Variants in OR52A1 observed in about 807,000 individuals in gnomAD.
The protein encoded by OR52A1 is olfactory receptor family 52 subfamily A member 1.
In OR52A1, 14 loss-of-function variants were observed where a neutral mutation model predicts 14.3. The ratio of observed to expected loss-of-function variants is 0.98; its 90% CI spans 0.65 to 1.54. The LOEUF (loss-of-function observed/expected upper bound fraction) is 1.54. OR52A1 is among the 40% of genes most tolerant of loss of function. The pLI is 0.00. For synonymous variants in OR52A1, 151 were observed against 135.3 expected, an observed-to-expected ratio of 1.12 and a Z score of -0.80; for missense variants, 405 against 381.3, an observed-to-expected ratio of 1.06 and a Z score of -0.52.
rs924610652 is a variant in OR52A1, at chr11:5,154,447, C to G, written c.-322G>C. 1 of 152,180 alleles carries G rather than the reference C, an allele frequency of 6.6e-6. No individual in the cohort carries two copies. Among genetic ancestry groups the G allele is most frequent in the African/African-American group, 2.4e-5 (1 of 41,454 alleles). The allele number at this position is 152,180 out of a possible 1,614,324, so 9.4% of individuals were successfully genotyped here. ...CATAACACTTTCATTCATCACTCAC[C>G]AATTTTTCTTCTCCAAGGATTCCAG... On this transcript the variant is annotated splice_region_variant and 5_prime_UTR_variant, in exon 1 of 2. Transcript: ENST00000380367.
chr11:5,151,574 T>C lies in OR52A1; in HGVS notation c.796A>G (p.Arg266Gly). ...LLAFFSFFTH[R>G]FGSHISPYIH... ...TAAGGGGAGATGTGAGACCCAAACC[T>C]ATGTGTGAAGAAGGAGAAGAAGGCA... The change falls in exon 2 of 2, where the codon AGG (arginine) becomes GGG (glycine). Residue 266 changes from arginine (R) to glycine (G), a missense_variant. Physicochemically the swap from Arg to Gly is moderately radical, Grantham distance 125 (BLOSUM62 -2). Coordinates refer to ENST00000380367, the MANE Select transcript of OR52A1 (RefSeq NM_012375.3). 6.2e-7 allele frequency: 1 copy of C among 1,613,904 alleles called. No homozygotes were observed. Among genetic ancestry groups the C allele is most frequent in the Non-Finnish European group, 8.5e-7 (1 of 1,179,946 alleles).
rs1227547652 is a variant in OR52A1 at position 5,149,491 on chromosome 11, T to C, written c.*1940A>G. 2 of 152,182 alleles carry C rather than the reference T, an allele frequency of 1.3e-5. No homozygotes were observed. The highest frequency in any genetic ancestry group is 2.9e-5 in the Non-Finnish European group (2 of 68,028). The allele number at this position is 152,182 out of a possible 1,614,324, so 9.4% of individuals were successfully genotyped here. A position where few individuals can be genotyped will look rare whatever the true frequency, so the allele number is the denominator to read the frequency against. On this transcript the variant is annotated 3_prime_UTR_variant, in exon 2 of 2. Transcript: ENST00000380367. Reference sequence around the variant, plus strand: ...ACTCTAACTTTCAGCTACACTTTGTTACTCTGTAGAAAAAAAAAATGGATT... The same window carrying C: ...ACTCTAACTTTCAGCTACACTTTGTCACTCTGTAGAAAAAAAAAATGGATT...
rs1173464992 is a variant in OR52A1, at chr11:5,151,586, A to G, written c.784T>C (p.Phe262Leu). 6.2e-7 allele frequency: 1 copy of G among 1,614,090 alleles called. No individual in the cohort carries two copies. The highest frequency in any genetic ancestry group is 1.1e-5 in the South Asian group (1 of 91,080). ...LQFYLLAFFS[F>L]FTHRFGSHIS... ...TGAGACCCAAACCTATGTGTGAAGA[A>G]GGAGAAGAAGGCAAGGAGGTAGAAC... Residue 262 changes from phenylalanine (F) to leucine (L), a missense_variant, in exon 2 of 2, where the codon TTC (phenylalanine) becomes CTC (leucine). By Grantham distance (22) the Phe-to-Leu change is conservative. Transcript: ENST00000380367.
chr11:5,147,452 T>A lies in OR52A1; in HGVS notation c.*3979A>T, dbSNP rs1846492561. The A allele has an allele frequency of 6.6e-6, 1 of 152,198 alleles. No individual in the cohort carries two copies. The highest frequency in any genetic ancestry group is 6.5e-5 in the Admixed American group (1 of 15,274). 9.4% of individuals were successfully genotyped at this position (152,198 alleles called of 1,614,324 possible). The stretch of plus-strand genomic sequence containing the variant: ...TGAAGGCCTGGATAGAACAAAAGAC[T>A]GACTTGCCCCAATCAAGAGAGAATT... On this transcript the variant is annotated 3_prime_UTR_variant, in exon 2 of 2. Transcript: ENST00000380367.
rs1846520732 is a variant in OR52A1, at chr11:5,149,706, T to C, written c.*1725A>G. 1 of 152,226 alleles carries C rather than the reference T, an allele frequency of 6.6e-6. No homozygotes were observed. Among genetic ancestry groups the C allele is most frequent in the South Asian group, 2.1e-4 (1 of 4,832 alleles). 9.4% of individuals were successfully genotyped at this position (152,226 alleles called of 1,614,324 possible). A position where few individuals can be genotyped will look rare whatever the true frequency, so the allele number is the denominator to read the frequency against. On this transcript the variant is annotated 3_prime_UTR_variant, in exon 2 of 2. Coordinates refer to ENST00000380367, the MANE Select transcript of OR52A1 (RefSeq NM_012375.3). ...TAGCTATATATTATTTGGCCATTTA[T>C]GTAAAAGTTTGCTGAATTCTGGCTA...
chr11:5,151,752 G>T lies in OR52A1; in HGVS notation c.618C>A (p.Ala206=), dbSNP rs1469918750. The part of the protein sequence containing the change: ...QVNKIYGLFV[A]FTVAGFDLTF... ...TGAGGTCAAATCCTGCTACAGTGAAGGCCACAAACAAACCATAGATTTTGT... is the reference window on the plus strand; with the variant it reads ...TGAGGTCAAATCCTGCTACAGTGAATGCCACAAACAAACCATAGATTTTGT... The change falls in exon 2 of 2, where the codon GCC becomes GCA. Residue 206 remains alanine (A), a synonymous_variant. Transcript: ENST00000380367. 11 of 1,614,170 alleles carry T rather than the reference G, an allele frequency of 6.8e-6. No homozygotes were observed. The highest frequency in any genetic ancestry group is 9.3e-6 in the Non-Finnish European group (11 of 1,180,012).
At position 5,152,017 on chromosome 11, in the gene OR52A1, A is replaced by G. The variant is rs373525335; in HGVS notation, c.353T>C (p.Val118Ala). The change falls in exon 2 of 2, where the codon GTG becomes GCG. Residue 118 changes from valine to alanine, a missense_variant. Physicochemically the swap from Val to Ala is moderately conservative, Grantham distance 64. Transcript: ENST00000380367. ...TLQGIESGIL[V>A]AMALDRYVAI... ...CACATAACGGTCCAGGGCCATGGCCACAAGGATGCCTGACTCTATACCCTG... is the reference window on the plus strand; with the variant it reads ...CACATAACGGTCCAGGGCCATGGCCGCAAGGATGCCTGACTCTATACCCTG... 9 of 1,614,012 alleles carry G rather than the reference A, an allele frequency of 5.6e-6. No homozygotes were observed. Among genetic ancestry groups the G allele is most frequent in the South Asian group, 2.2e-5 (2 of 91,070 alleles).
Position 5,151,171 on chromosome 11 carries a change from A to C in OR52A1, c.*260T>G. ...CTCCTGGAGAAATATTCTTAGAAGA[A>C]TAACTCAACCAGGGGCTAAAGAATA... is the stretch of plus-strand genomic sequence containing the variant. On this transcript the variant is annotated 3_prime_UTR_variant, in exon 2 of 2. Coordinates refer to ENST00000380367, the MANE Select transcript of OR52A1 (RefSeq NM_012375.3). 1 of 291,854 alleles carries C rather than the reference A, an allele frequency of 3.4e-6. No homozygotes were observed. The allele number at this position is 291,854 out of a possible 1,614,324, so 18.1% of individuals were successfully genotyped here.
At position 5,151,919 on chromosome 11, in the gene OR52A1, C is replaced by T. The variant is rs77308879; in HGVS notation, c.451G>A (p.Val151Ile). The change falls in exon 2 of 2, where the codon GTA becomes ATA. Residue 151 changes from valine (V) to isoleucine (I), a missense_variant. Physicochemically the swap from Val to Ile is conservative, Grantham distance 29. Transcript: ENST00000380367. ...QLVIQIGTMV[V>I]LRAAILVAPC... Reference sequence around the variant, plus strand: ...GCTACAAGAATAGCAGCCCTGAGTACGACCATAGTTCCTATCTGAATGACA... The same window carrying T: ...GCTACAAGAATAGCAGCCCTGAGTATGACCATAGTTCCTATCTGAATGACA... 248 of 1,613,918 alleles carry T rather than the reference C, an allele frequency of 1.5e-4. 2 individuals carry two copies. The highest frequency in any genetic ancestry group is 4.1e-4 in the African/African-American group (31 of 74,894).
chr11:5,152,491 C>G lies in OR52A1; in HGVS notation c.-122G>C, dbSNP rs1846560591. The G allele has an allele frequency of 1.5e-6, 1 of 665,416 alleles. No homozygotes were observed. Among genetic ancestry groups the G allele is most frequent in the East Asian group, 2.7e-5 (1 of 36,384 alleles). The allele number at this position is 665,416 out of a possible 1,614,324, so 41.2% of individuals were successfully genotyped here. On this transcript the variant is annotated 5_prime_UTR_variant, in exon 2 of 2. Transcript: ENST00000380367. ...GAGTCTGTCTGATTTGGGTATAACTCTAAAATCATCCATCTTATTCACAGT... is the reference window on the plus strand; with the variant it reads ...GAGTCTGTCTGATTTGGGTATAACTGTAAAATCATCCATCTTATTCACAGT...
intron 1 of OR52A1, among the ~76,000 whole-genome samples, chr11:5,154,114 TA>T (rs1846581524): frequency 6.6e-6 from 1 of 152,144 alleles, no homozygotes; most frequent in Non-Finnish European, 1.5e-5. Flanking sequence ...CTTTTTCTAA[TA>T]GGGGCAAATT....
chr11:5,150,777 A>G lies in OR52A1; in HGVS notation c.*654T>C, dbSNP rs1418678344. 1.3e-5 allele frequency: 2 copies of G among 152,138 alleles called. No homozygotes were observed. The highest frequency in any genetic ancestry group is 4.8e-5 in the African/African-American group (2 of 41,508). The allele number at this position is 152,138 out of a possible 1,614,324, so 9.4% of individuals were successfully genotyped here. A position where few individuals can be genotyped will look rare whatever the true frequency, so the allele number is the denominator to read the frequency against. On this transcript the variant is annotated 3_prime_UTR_variant, in exon 2 of 2. Coordinates refer to ENST00000380367, the MANE Select transcript of OR52A1 (RefSeq NM_012375.3). The stretch of plus-strand genomic sequence containing the variant: ...TTATGTCACGATTCTGTAGTATAGT[A>G]TTTTTAATATTGCAGGTTTTTGATA...
chr11:5,153,057 T>A (rs1228509979), intron 1 of OR52A1, among the ~76,000 whole-genome samples: 1 of 152,228 alleles, frequency 6.6e-6, no homozygotes, highest in East Asian at 1.9e-4. Context: ...GGAATTATAT[T>A]TTTTCCTATA....
rs1220000913 is a variant in OR52A1, at chr11:5,148,261, T to C, written c.*3170A>G. ...TTTTTTTTGAGACGGTGTCTCACTA[T>C]GTCACCCAGGCTGGAGTGCAGTGGC... On this transcript the variant is annotated 3_prime_UTR_variant, in exon 2 of 2. Coordinates refer to ENST00000380367, the MANE Select transcript of OR52A1 (RefSeq NM_012375.3). 1.3e-5 allele frequency: 2 copies of C among 150,778 alleles called. No homozygotes were observed. Among genetic ancestry groups the C allele is most frequent in the Non-Finnish European group, 2.9e-5 (2 of 67,860 alleles). 9.3% of individuals were successfully genotyped at this position (150,778 alleles called of 1,614,324 possible). A position where few individuals can be genotyped will look rare whatever the true frequency, so the allele number is the denominator to read the frequency against.
Position 5,151,652 on chromosome 11 carries a change from C to T in OR52A1, c.718G>A (p.Ala240Thr). The T allele has an allele frequency of 1.2e-6, 2 of 1,614,146 alleles. No homozygotes were observed. Among genetic ancestry groups the T allele is most frequent in the Non-Finnish European group, 1.7e-6 (2 of 1,180,022 alleles). Residue 240 changes from alanine (A) to threonine (T), a missense_variant, in exon 2 of 2, where the codon GCA (alanine) becomes ACA (threonine). By Grantham distance (58) the Ala-to-Thr change is moderately conservative. Transcript: ENST00000380367. Reference sequence around the variant, plus strand: ...ATGTGAGCAATGCAGGTATTGAATGCTTTAAACCTAGCCTCCTTCTGGGGC... The same window carrying T: ...ATGTGAGCAATGCAGGTATTGAATGTTTTAAACCTAGCCTCCTTCTGGGGC... The part of the protein sequence containing the change: ...RLPQKEARFK[A>T]FNTCIAHICV...
Position 5,148,989 on chromosome 11 carries a change from T to G in OR52A1, c.*2442A>C, listed in dbSNP as rs1217368803. The G allele has an allele frequency of 6.6e-6, 1 of 152,230 alleles. No homozygotes were observed. Among genetic ancestry groups the G allele is most frequent in the Non-Finnish European group, 1.5e-5 (1 of 68,040 alleles). The allele number at this position is 152,230 out of a possible 1,614,324, so 9.4% of individuals were successfully genotyped here. A position where few individuals can be genotyped will look rare whatever the true frequency, so the allele number is the denominator to read the frequency against. Reference sequence around the variant, plus strand: ...ATTGATGTAATCTCCTGGAAGTTAATTTTATGATTTCTAGAAACCTTTCTT... The same window carrying G: ...ATTGATGTAATCTCCTGGAAGTTAAGTTTATGATTTCTAGAAACCTTTCTT... On this transcript the variant is annotated 3_prime_UTR_variant, in exon 2 of 2. Coordinates refer to ENST00000380367, the MANE Select transcript of OR52A1 (RefSeq NM_012375.3).
Position 5,152,443 on chromosome 11 carries a change from A to G in OR52A1, c.-74T>C. Reference sequence around the variant, plus strand: ...GTTACTGTTCCTCTTCTGCTTTCTGATTTTCTCCAAACTCATTATATTGAG... The same window carrying G: ...GTTACTGTTCCTCTTCTGCTTTCTGGTTTTCTCCAAACTCATTATATTGAG... On this transcript the variant is annotated 5_prime_UTR_variant, in exon 2 of 2. Coordinates refer to ENST00000380367, the MANE Select transcript of OR52A1 (RefSeq NM_012375.3). 1 of 1,051,256 alleles carries G rather than the reference A, an allele frequency of 9.5e-7. No homozygotes were observed. The highest frequency in any genetic ancestry group is 1.4e-6 in the Non-Finnish European group (1 of 725,828). 65.1% of individuals were successfully genotyped at this position (1,051,256 alleles called of 1,614,324 possible).
Position 5,151,386 on chromosome 11 carries a change from C to T in OR52A1, c.*45G>A. ...TTTTTGTTTTGTTTTGATATGGTTACTACTGCAAAAGAAAAAAGCATGTAG... is the reference window on the plus strand; with the variant it reads ...TTTTTGTTTTGTTTTGATATGGTTATTACTGCAAAAGAAAAAAGCATGTAG... On this transcript the variant is annotated 3_prime_UTR_variant, in exon 2 of 2. Coordinates refer to ENST00000380367, the MANE Select transcript of OR52A1 (RefSeq NM_012375.3). 1 of 1,462,502 alleles carries T rather than the reference C, an allele frequency of 6.8e-7. No individual in the cohort carries two copies. Among genetic ancestry groups the T allele is most frequent in the South Asian group, 1.3e-5 (1 of 76,240 alleles). The allele number at this position is 1,462,502 out of a possible 1,614,324, so 90.6% of individuals were successfully genotyped here. A position where few individuals can be genotyped will look rare whatever the true frequency, so the allele number is the denominator to read the frequency against.
rs1188278650 is a variant in OR52A1 at position 5,151,626 on chromosome 11, GATGTGAGCA to G, written c.735_743del (p.Ala246_Ile248del). 5.6e-6 allele frequency: 9 copies of G among 1,614,078 alleles called. No individual in the cohort carries two copies. The highest frequency in any genetic ancestry group is 7.6e-6 in the Non-Finnish European group (9 of 1,180,036). Reference sequence around the variant, plus strand: ...GGAGGTAGAACTGGAGGAAGACACAGATGTGAGCAATGCAGGTATTGAATGCTTTAAACC... The same window carrying G: ...GGAGGTAGAACTGGAGGAAGACACAGATGCAGGTATTGAATGCTTTAAACC... On this transcript the variant is annotated inframe_deletion, in exon 2 of 2. Transcript: ENST00000380367.
Sources: allele counts gnomAD v4.1 joint callset (sites outside exome capture counted in the v4.1 genomes callset), GRCh38; gene constraint gnomAD v4.1.1; transcripts MANE v1.5; gene names NCBI Gene and HGNC (gene_info 2026-07-23, HGNC 2026-07-21).